ANKRD17: variants seen among roughly 807,000 people sequenced by gnomAD.
The protein encoded by ANKRD17 is ankyrin repeat domain 17, also known as ankyrin repeat domain-containing protein 17.
Under a neutral mutation model 229.7 loss-of-function variants are expected in ANKRD17, and 19 were observed. The ratio of observed to expected loss-of-function variants is 0.08; its 90% CI spans 0.06 to 0.12. ANKRD17 has a LOEUF of 0.12. Among genes scored for constraint, ANKRD17 ranks in the 10% least tolerant of loss-of-function variants. The probability of loss-of-function intolerance (pLI) is 1.00; values close to 1 mark genes in which losing one functional copy is unlikely to be tolerated. For synonymous variants in ANKRD17, 1,112 were observed against 1,146.1 expected (o/e 0.97, Z 0.60); for missense variants, 2,176 against 3,176.8 (o/e 0.68, Z 7.57).
intron 1 of ANKRD17, among the ~76,000 whole-genome samples, chr4:73,204,878 C>G (rs1423394881): frequency 6.6e-6 from 1 of 151,762 alleles, no homozygotes; most frequent in Non-Finnish European, 1.5e-5. Context: ...GGTAATACAC[C>G]AATAAAAGGG....
intron 3 of ANKRD17, among the ~76,000 whole-genome samples, chr4:73,156,630 T>G (rs1240421994): frequency 6.6e-6 from 1 of 151,706 alleles, no homozygotes. Flanking sequence ...CCCACTTTGC[T>G]CTCTCTCTCT....
intron 1 of ANKRD17, among the ~76,000 whole-genome samples, chr4:73,182,650 C>T (rs1487743663): frequency 6.6e-6 from 1 of 152,140 alleles, no homozygotes; most frequent in African/African-American, 2.4e-5. Flanking sequence ...ACATAAAATA[C>T]ACAGCACCTC....
chr4:73,249,986 C>T (rs1259612363), intron 1 of ANKRD17, among the ~76,000 whole-genome samples: 2 of 152,218 alleles, frequency 1.3e-5, no homozygotes, highest in Non-Finnish European at 2.9e-5. Flanking sequence ...CTCTAGACCT[C>T]GTTTTAGTCA....
chr4:73,132,556 C>T (rs925965841), intron 16 of ANKRD17, among the ~76,000 whole-genome samples: 2 of 152,110 alleles, frequency 1.3e-5, no homozygotes, highest in Non-Finnish European at 2.9e-5. Flanking sequence ...AGTAGTTTAA[C>T]TCAGGTCTGG....
chr4:73,116,172 T>G (rs1256432985), intron 22 of ANKRD17, among the ~76,000 whole-genome samples: 1 of 147,922 alleles, frequency 6.8e-6, no homozygotes, highest in Middle Eastern at 3.4e-3. Context: ...AAAAAAACAA[T>G]AATCCCAAAA....
At chr4:73,234,403 C>T (rs574901497) in intron 1 of ANKRD17, among the ~76,000 whole-genome samples, 2 of 152,222 alleles carry the variant, frequency 1.3e-5, no homozygotes, top group South Asian at 4.1e-4. Context: ...GTTGGTTGTT[C>T]TTTTATTCAT....
intron 24 of ANKRD17, among the ~76,000 whole-genome samples, chr4:73,106,235 C>T (rs1304082879): frequency 6.6e-6 from 1 of 151,772 alleles, no homozygotes; most frequent in Non-Finnish European, 1.5e-5. Context: ...CAGAGCAAGA[C>T]TCCGTCTCAA....
intron 22 of ANKRD17, among the ~76,000 whole-genome samples, chr4:73,118,304 C>G (rs1027675444): frequency 6.6e-6 from 1 of 151,994 alleles, no homozygotes; most frequent in Non-Finnish European, 1.5e-5. Context: ...AGCAAAATAA[C>G]CAGTTTAAGT....
At position 73,121,719 on chromosome 4, in the gene ANKRD17, T is replaced by C; in HGVS notation, c.3533A>G (p.His1178Arg). 1.2e-6 allele frequency: 2 copies of C among 1,612,392 alleles called. No homozygotes were observed. Among genetic ancestry groups the C allele is most frequent in the Non-Finnish European group, 1.7e-6 (2 of 1,179,404 alleles). Residue 1178 changes from histidine (H) to arginine (R), a missense_variant, in exon 19 of 34, where the codon CAC (histidine) becomes CGC (arginine). This residue lies in a region of ANKRD17 where 178 missense variants were observed against 421.7 expected (regional missense o/e 0.42). Transcript: ENST00000358602. ...LLLARGANKE[H>R]RNVSDYTPLS... ...AGGTGTGTAATCAGAAACATTCCTG[T>C]GCTCTTTATTTGCCCCTCGAGCTAA...
chr4:73,228,538 G>A (rs1261989572), intron 1 of ANKRD17, among the ~76,000 whole-genome samples: 1 of 152,104 alleles, frequency 6.6e-6, no homozygotes, highest in African/African-American at 2.4e-5. Flanking sequence ...GACACAACCA[G>A]TTATTGTATC....
chr4:73,076,484 T>A (rs1283275561), intron 33 of ANKRD17, among the ~76,000 whole-genome samples, 194 bp from the exon 34 acceptor site: 1 of 149,458 alleles, frequency 6.7e-6, no homozygotes, highest in Non-Finnish European at 1.5e-5. Context: ...TTACAACCTT[T>A]AAAAAAAAAA....
intron 6 of ANKRD17, among the ~76,000 whole-genome samples, chr4:73,153,312 A>T (rs1288309310): frequency 6.6e-6 from 1 of 152,186 alleles, no homozygotes; most frequent in Non-Finnish European, 1.5e-5. Context: ...TTTTTAATAA[A>T]AAACTTCCTT....
chr4:73,258,398 C>T lies in ANKRD17; in HGVS notation c.271G>A (p.Asp91Asn), dbSNP rs758719781. 4.3e-6 allele frequency: 7 copies of T among 1,610,692 alleles called. No homozygotes were observed. The highest frequency in any genetic ancestry group is 5.9e-6 in the Non-Finnish European group (7 of 1,179,374). The stretch of plus-strand genomic sequence containing the variant: ...CCACCGCCGCCGCTGTTGTCGCTGT[C>T]GCTGCTGCTTTCGCTGCTGCTGGGG... ...RPPSSSESSS[D>N]SDNSGGGGGG... Residue 91 changes from aspartate to asparagine, a missense_variant, in exon 1 of 34, where the codon GAC becomes AAC. By Grantham distance (23) the Asp-to-Asn change is conservative. Around this residue, in one of 18 missense-constraint regions of ANKRD17, gnomAD observed 196 missense variants for 190.0 expected, o/e 1.03. Transcript: ENST00000358602.
intron 14 of ANKRD17, among the ~76,000 whole-genome samples, chr4:73,140,645 GAAC>G (rs1336943728): frequency 2.6e-5 from 4 of 151,938 alleles, no homozygotes; most frequent in Admixed American, 1.3e-4. Context: ...CATAAGAACA[GAAC>G]AATAATGCTA....
chr4:73,136,408 A>G (rs1293084576), intron 15 of ANKRD17, among the ~76,000 whole-genome samples: 2 of 152,200 alleles, frequency 1.3e-5, no homozygotes, highest in African/African-American at 2.4e-5. Flanking sequence ...AATTATAAAC[A>G]TAATTATGAA....
At chr4:73,169,822 C>T (rs546728323) in intron 2 of ANKRD17, among the ~76,000 whole-genome samples, 5 of 152,316 alleles carry the variant, frequency 3.3e-5, no homozygotes, top group Admixed American at 6.5e-5. Flanking sequence ...CCGGTCACAG[C>T]GGAGAGCAGA....
At chr4:73,180,535 G>C (rs1735414051) in intron 1 of ANKRD17, among the ~76,000 whole-genome samples, 2 of 152,092 alleles carry the variant, frequency 1.3e-5, no homozygotes, top group Admixed American at 1.3e-4. Flanking sequence ...CTGACTTTAA[G>C]CTTCTCCACA....
Position 73,217,853 on chromosome 4 carries a change from C to T in ANKRD17, c.394-40320G>A, listed in dbSNP as rs779732515. Among the ~76,000 whole-genome samples the T allele has an allele frequency of 3.5e-4, 54 of 152,132 alleles. 1 individual carries two copies. The highest frequency in any genetic ancestry group is 5.9e-4 in the Non-Finnish European group (40 of 68,030). On this transcript the variant is annotated intron_variant, in intron 1 of 33. Coordinates refer to ENST00000358602, the MANE Select transcript of ANKRD17 (RefSeq NM_032217.5). Reference sequence around the variant, plus strand: ...ACATAAGTAAATCTCATGTGGGTCCCATCCCCAAGTTATCTTTACATATAC... The same window carrying T: ...ACATAAGTAAATCTCATGTGGGTCCTATCCCCAAGTTATCTTTACATATAC...
intron 1 of ANKRD17, among the ~76,000 whole-genome samples, chr4:73,193,569 T>C (rs1022915713): frequency 1.1e-4 from 16 of 152,214 alleles, no homozygotes; most frequent in African/African-American, 3.6e-4. Flanking sequence ...TAATGGCTAA[T>C]TAATGGTGTT....
Sources: allele counts gnomAD v4.1 joint callset (sites outside exome capture counted in the v4.1 genomes callset), GRCh38; gene constraint gnomAD v4.1.1; regional missense constraint gnomAD v4.1.1; transcripts MANE v1.5; gene names NCBI Gene and HGNC (gene_info 2026-07-23, HGNC 2026-07-21).